SORT1: variants seen among roughly 807,000 people sequenced by gnomAD.
The protein encoded by SORT1 is sortilin.
A neutral mutation model predicts 101.7 loss-of-function variants in SORT1; 39 were observed. The observed-to-expected ratio is 0.38, with a 90% CI of 0.30 to 0.50. The LOEUF is 0.50. SORT1 is among the 20% of genes least tolerant of loss of function. The pLI is 0.90. For synonymous variants in SORT1, 396 were observed against 393.7 expected (o/e 1.01, Z -0.07); for missense variants, 878 against 1,040.4 (o/e 0.84, Z 2.15).
chr1:109,373,243 C>G (rs1044227041), intron 1 of SORT1, among the ~76,000 whole-genome samples: 1 of 152,086 alleles, frequency 6.6e-6, no homozygotes. Flanking sequence ...GGAGGGGCAC[C>G]CAGGCAGAGT....
intron 1 of SORT1, among the ~76,000 whole-genome samples, chr1:109,397,045 G>A (rs1653218618): frequency 6.6e-6 from 1 of 152,226 alleles, no homozygotes; most frequent in Non-Finnish European, 1.5e-5. Context: ...TACCATGACA[G>A]AAGGTCAAAT....
chr1:109,364,065 A>C (rs539626546), intron 3 of SORT1, among the ~76,000 whole-genome samples: 1 of 152,304 alleles, frequency 6.6e-6, no homozygotes, highest in South Asian at 2.1e-4. Context: ...TTCAAAGTCA[A>C]TGTGGTTAAA....
intron 1 of SORT1, among the ~76,000 whole-genome samples, chr1:109,380,813 C>CAAAAAAAAA (rs60568166): frequency 4.5e-4 from 22 of 49,222 alleles, no homozygotes; most frequent in African/African-American, 2.0e-3. Flanking sequence ...CCTGTCGCCA[C>CAAAAAAAAA]AAAAAAAAAA....
At chr1:109,343,301 T>C (rs1006579615) in intron 8 of SORT1, among the ~76,000 whole-genome samples, 4 of 152,222 alleles carry the variant, frequency 2.6e-5, no homozygotes, top group Non-Finnish European at 5.9e-5. Flanking sequence ...GCCTTTTAAC[T>C]TCCAATGAAG....
In SORT1 at chr1:109,314,588, TGCCAAGAGTAGACTCA is replaced by T. The variant is rs1642654866; in HGVS notation, c.2357+68_2357+83del. The T allele has an allele frequency of 9.7e-6, 11 of 1,130,970 alleles. 1 individual carries two copies. The Admixed American group carries it at 2.3e-4, about 24-fold the overall frequency. The allele number at this position is 1,130,970 out of a possible 1,614,324, so 70.1% of individuals were successfully genotyped here. A position where few individuals can be genotyped will look rare whatever the true frequency, so the allele number is the denominator to read the frequency against. ...AACAGTACTGCAAGTACCTAGTTTTTGCCAAGAGTAGACTCAGCCATATGCCCTAGATCAGCCTTCT... is the reference window on the plus strand; with the variant it reads ...AACAGTACTGCAAGTACCTAGTTTTTGCCATATGCCCTAGATCAGCCTTCT... On this transcript the variant is annotated intron_variant, in intron 18 of 19. Transcript: ENST00000256637.
intron 1 of SORT1, among the ~76,000 whole-genome samples, chr1:109,396,078 T>C (rs1385299551): frequency 6.6e-6 from 1 of 151,502 alleles, no homozygotes; most frequent in Non-Finnish European, 1.5e-5. Flanking sequence ...AGTGAGACCC[T>C]ATCTCAAAAA....
At chr1:109,350,207 T>A (rs912758938) in intron 6 of SORT1, among the ~76,000 whole-genome samples, 1 of 152,224 alleles carries the variant, frequency 6.6e-6, no homozygotes, top group African/African-American at 2.4e-5. Context: ...AAAGAGGCTC[T>A]AAACAACATT....
intron 1 of SORT1, chr1:109,392,971 C>T: frequency 4.1e-6 from 4 of 985,376 alleles, no homozygotes; most frequent in Non-Finnish European, 4.8e-6. Context: ...TGAAGAGAGG[C>T]CAAGTATTGG....
chr1:109,363,598 C>A (rs886638691), intron 3 of SORT1, among the ~76,000 whole-genome samples: 13 of 152,130 alleles, frequency 8.5e-5, no homozygotes, highest in African/African-American at 2.9e-4. Flanking sequence ...TTCTGTATAT[C>A]AACAGAGACA....
At chr1:109,397,385 C>T (rs1653249301) in intron 1 of SORT1, 1 of 167,936 alleles carries the variant, frequency 6.0e-6, no homozygotes, top group African/African-American at 2.4e-5. Context: ...AAGATTGCCT[C>T]CCCTATGACA....
chr1:109,322,628 A>C (rs965514211), intron 15 of SORT1, among the ~76,000 whole-genome samples: 2 of 151,276 alleles, frequency 1.3e-5, no homozygotes, highest in African/African-American at 4.9e-5. Context: ...TCCCAGGTTC[A>C]AGTGATTCTT....
At chr1:109,327,258 T>C (rs1648139186) in intron 12 of SORT1, 98 bp from the exon 13 acceptor site, 2 of 1,112,720 alleles carry the variant, frequency 1.8e-6, no homozygotes, top group South Asian at 3.2e-5. Context: ...ATTCTGATTA[T>C]TTCCCATCAA....
intron 1 of SORT1, among the ~76,000 whole-genome samples, chr1:109,375,397 G>A (rs11102977): frequency 7.9e-5 from 12 of 151,944 alleles, no homozygotes; most frequent in Non-Finnish European, 1.6e-4. Flanking sequence ...CAAAAAATTC[G>A]CCGGGCGAGG....
intron 17 of SORT1, 39 bp from the exon 18 acceptor site, chr1:109,314,817 T>A: frequency 8.4e-7 from 1 of 1,188,976 alleles, no homozygotes; most frequent in Non-Finnish European, 1.3e-6. Flanking sequence ...GTTTTAGGCA[T>A]GCATATCCTA....
At chr1:109,320,892 C>G (rs556437437) in intron 15 of SORT1, among the ~76,000 whole-genome samples, 2 of 152,152 alleles carry the variant, frequency 1.3e-5, no homozygotes, top group East Asian at 3.9e-4. Flanking sequence ...GGAGGAAATT[C>G]GGATAAGAGT....
At chr1:109,314,461 G>A in intron 18 of SORT1, 77 bp from the exon 19 acceptor site, 1 of 1,531,702 alleles carries the variant, frequency 6.5e-7, no homozygotes, top group Middle Eastern at 1.8e-4. Flanking sequence ...GACTTTCTCA[G>A]TTTTATACAC....
chr1:109,314,402 C>T lies in SORT1; in HGVS notation c.2358-18G>A, dbSNP rs371777285. On this transcript the variant is annotated intron_variant, in intron 18 of 19. Transcript: ENST00000256637. The stretch of plus-strand genomic sequence containing the variant: ...CCAGGAACCTGTGAACAGAAACCTC[C>T]TTAACACTCGGTGGTACACAGCAGG... 80 of 1,612,868 alleles carry T rather than the reference C, an allele frequency of 5.0e-5. No homozygotes were observed. In the East Asian group the frequency reaches 1.0e-3, roughly 20 times the overall value.
At chr1:109,329,660 A>G (rs1648328354) in intron 11 of SORT1, among the ~76,000 whole-genome samples, 1 of 152,266 alleles carries the variant, frequency 6.6e-6, no homozygotes, top group Admixed American at 6.5e-5. Context: ...CATCAAGAGC[A>G]TATAACATTG....
intron 1 of SORT1, chr1:109,390,004 T>G (rs1652804857): frequency 6.6e-6 from 1 of 152,258 alleles, no homozygotes; most frequent in African/African-American, 2.4e-5. Context: ...GCTATCTTTT[T>G]TTTAACTTCC....
Sources: gnomAD v4.1 joint callset for allele counts (sites outside exome capture counted in the v4.1 genomes callset) on GRCh38, gnomAD v4.1.1 for gene constraint, MANE v1.5 for transcripts, NCBI Gene and HGNC (gene_info 2026-07-23, HGNC 2026-07-21) for gene names.